The following CFAP65 variants were observed in gnomAD, a reference collection of about 807,000 sequenced individuals.
CFAP65 encodes cilia and flagella associated protein 65.
CFAP65 carries 155 observed loss-of-function variants against 208.0 expected under a neutral mutation model. That is an observed-to-expected ratio of 0.75 (90% confidence interval 0.65 to 0.85). The LOEUF (loss-of-function observed/expected upper bound fraction) is 0.85, where lower values mean the gene tolerates loss of function less well. Ranked by LOEUF, CFAP65 falls within the 40% of genes least tolerant of loss-of-function variation. CFAP65 has a pLI of 0.00. For missense variants in CFAP65, 2,294 were observed against 2,451.3 expected, an observed-to-expected ratio of 0.94 and a Z score of 1.36; for synonymous variants, 970 against 986.3, an observed-to-expected ratio of 0.98 and a Z score of 0.31.
At position 219,009,302 on chromosome 2, in the gene CFAP65, G is replaced by A. The variant is rs1574529096; in HGVS notation, c.4566+45C>T. ...CCCATCACACCCCACCCCAGCATTG[G>A]GAGCCATGCCTCCATCCCACTTTAC... On this transcript the variant is annotated intron_variant, in intron 28 of 34. Transcript: ENST00000341552. 3 of 1,511,942 alleles carry A rather than the reference G, an allele frequency of 2.0e-6. No individual in the cohort carries two copies. In the African/African-American group the frequency reaches 4.1e-5, roughly 21 times the overall value. 93.7% of individuals were successfully genotyped at this position (1,511,942 alleles called of 1,614,324 possible).
chr2:219,029,550 A>G lies in CFAP65; in HGVS notation c.1503T>C (p.Phe501=). Residue 501 remains phenylalanine (F), a synonymous_variant, in exon 11 of 35, where the codon TTT becomes TTC. Transcript: ENST00000341552. ...NQSDCTAHFQ[F]AIDCLESVFT... ...AGACACTCTCCAAGCAGTCGATGGCAAACTGGAAGTGGGCCGTGCAGTCCG... is the reference window on the plus strand; with the variant it reads ...AGACACTCTCCAAGCAGTCGATGGCGAACTGGAAGTGGGCCGTGCAGTCCG... 6.2e-7 allele frequency: 1 copy of G among 1,614,062 alleles called. No individual in the cohort carries two copies. Among genetic ancestry groups the G allele is most frequent in the Non-Finnish European group, 8.5e-7 (1 of 1,180,002 alleles).
chr2:219,028,749 G>A (rs1419727067), intron 11 of CFAP65, among the ~76,000 whole-genome samples: 1 of 152,168 alleles, frequency 6.6e-6, no homozygotes, highest in Non-Finnish European at 1.5e-5. Flanking sequence ...AATATGGGGG[G>A]CTGCCTCATC....
chr2:219,014,079 G>A lies in CFAP65; in HGVS notation c.3603-35C>T, dbSNP rs1404934870. 7.0e-6 allele frequency: 11 copies of A among 1,563,980 alleles called. No homozygotes were observed. In the Admixed American group the frequency reaches 2.0e-4, roughly 29 times the overall value. ...GGGTGCAAAGCCATACAAAGAAACT[G>A]GTCAGGCAGAACAGAGAGGCAGGGG... On this transcript the variant is annotated intron_variant, in intron 21 of 34. Coordinates refer to ENST00000341552, the MANE Select transcript of CFAP65 (RefSeq NM_194302.4).
rs1947248662 is a variant in CFAP65, at chr2:219,021,289, G to C, written c.3131-9C>G. The stretch of plus-strand genomic sequence containing the variant: ...TCGGTCCAGCTGCAGAGCTGCTCAG[G>C]GATGATGCCGGAGGGTCAGTGGGTA... On this transcript the variant is annotated splice_polypyrimidine_tract_variant and intron_variant, in intron 18 of 34. Transcript: ENST00000341552. The C allele has an allele frequency of 6.4e-7, 1 of 1,566,878 alleles. No homozygotes were observed. Among genetic ancestry groups the C allele is most frequent in the South Asian group, 1.2e-5 (1 of 82,624 alleles).
In CFAP65 at chr2:219,022,331, TG is replaced by T; in HGVS notation, c.2821-3del. Reference sequence around the variant, plus strand: ...AGGGCTGAAGGTCCACGTCAGCGTCTGGGGTCACAGAAATGATCCCTGCAGT... The same window carrying T: ...AGGGCTGAAGGTCCACGTCAGCGTCTGGGTCACAGAAATGATCCCTGCAGT... On this transcript the variant is annotated splice_polypyrimidine_tract_variant and splice_region_variant and intron_variant, in intron 16 of 34. Coordinates refer to ENST00000341552, the MANE Select transcript of CFAP65 (RefSeq NM_194302.4). 6.3e-7 allele frequency: 1 copy of T among 1,594,202 alleles called. No homozygotes were observed.
chr2:219,006,654 C>T (rs1291248121), intron 29 of CFAP65, 145 bp from the exon 30 acceptor site: 14 of 728,984 alleles, frequency 1.9e-5, no homozygotes, highest in African/African-American at 7.0e-5. Context: ...GCCAACATGG[C>T]GAAAGCCCGT....
chr2:219,025,438 G>A (rs1574610448), intron 14 of CFAP65, among the ~76,000 whole-genome samples: 1 of 152,202 alleles, frequency 6.6e-6, no homozygotes, highest in Admixed American at 6.5e-5. Flanking sequence ...CCAGGCGATG[G>A]AGACTGGAGG....
chr2:219,041,355 C>T, intron 1 of CFAP65, 133 bp downstream of exon 1: 2 of 857,312 alleles, frequency 2.3e-6, no homozygotes, highest in Non-Finnish European at 3.8e-6. Flanking sequence ...CCATGGGGCT[C>T]TCTGAAGGGC....
Position 219,002,913 on chromosome 2 carries a change from G to A in CFAP65, c.*24C>T. On this transcript the variant is annotated 3_prime_UTR_variant, in exon 35 of 35. Coordinates refer to ENST00000341552, the MANE Select transcript of CFAP65 (RefSeq NM_194302.4). The surrounding 1 kb of genome is among the most constrained non-coding windows in gnomAD (Gnocchi z 7.9). ...GGCCAGGCGTGACCCCTAGCGGCAT[G>A]TCGGAGAGGCTGGGCGCGGGCATTT... The A allele has an allele frequency of 6.4e-7, 1 of 1,555,950 alleles. No individual in the cohort carries two copies. The highest frequency in any genetic ancestry group is 8.7e-7 in the Non-Finnish European group (1 of 1,147,600).
intron 1 of CFAP65, 39 bp from the exon 2 acceptor site, chr2:219,040,603 C>T (rs1410973162): frequency 6.4e-7 from 1 of 1,552,126 alleles, no homozygotes; most frequent in Non-Finnish European, 8.7e-7. Flanking sequence ...TTTTCTGCCA[C>T]GGGATGGTCT....
At chr2:219,030,393 G>A (rs759148479) in intron 9 of CFAP65, among the ~76,000 whole-genome samples, 185 bp from the exon 10 acceptor site, 12 of 152,214 alleles carry the variant, frequency 7.9e-5, no homozygotes, top group African/African-American at 4.8e-5. Context: ...TGTGCCCTGC[G>A]CTGGGCCTGC....
rs770538922 is a variant in CFAP65, at chr2:219,013,493, G to A, written c.3846+26C>T. ...CCCCCTCCTCCAGCCTGAAACTAGG[G>A]CAGGGCCAGTGTGCTGGGGCCTCAC... On this transcript the variant is annotated intron_variant, in intron 23 of 34. Coordinates refer to ENST00000341552, the MANE Select transcript of CFAP65 (RefSeq NM_194302.4). 9 of 1,586,740 alleles carry A rather than the reference G, an allele frequency of 5.7e-6. No individual in the cohort carries two copies. The East Asian group carries it at 1.6e-4, about 28-fold the overall frequency.
intron 11 of CFAP65, 66 bp downstream of exon 11, chr2:219,029,337 T>G: frequency 6.4e-7 from 1 of 1,553,462 alleles, no homozygotes; most frequent in Non-Finnish European, 8.7e-7. Flanking sequence ...CACCAAGCCT[T>G]GTCATCATCA....
At position 219,031,457 on chromosome 2, in the gene CFAP65, C is replaced by G. The variant is rs764063968; in HGVS notation, c.815+32G>C. The G allele has an allele frequency of 6.2e-6, 10 of 1,613,910 alleles. No individual in the cohort carries two copies. In the South Asian group the frequency reaches 1.1e-4, roughly 18 times the overall value. On this transcript the variant is annotated intron_variant, in intron 7 of 34. Coordinates refer to ENST00000341552, the MANE Select transcript of CFAP65 (RefSeq NM_194302.4). This position sits in a 1 kb window ranked among gnomAD's most constrained non-coding sequence, Gnocchi z 5.2. ...CCAGACACCCTCCTCACAGCTCTTG[C>G]TCTCCCCGCCGCACCTCAGCCTCTT...
chr2:219,019,418 T>C (rs760823587), intron 20 of CFAP65, 88 bp downstream of exon 20: 173 of 1,230,154 alleles, frequency 1.4e-4, no homozygotes, highest in Non-Finnish European at 1.9e-4. Context: ...ACAGCTTCCT[T>C]GTTCTGGGAG....
At position 219,019,116 on chromosome 2, in the gene CFAP65, T is replaced by A; in HGVS notation, c.3537A>T (p.Pro1179=). Residue 1179 remains proline, a synonymous_variant, in exon 21 of 35, where the codon CCA becomes CCT. Coordinates refer to ENST00000341552, the MANE Select transcript of CFAP65 (RefSeq NM_194302.4). ...ATACCACGGAAGGTGGGGCCTTGAA[T>A]GGTGCGGCCCCGAAATTGAAGTCAA... ...LRLDFNFGAA[P]FKAPPSVVFL... 6.2e-7 allele frequency: 1 copy of A among 1,614,070 alleles called. No homozygotes were observed. Among genetic ancestry groups the A allele is most frequent in the Non-Finnish European group, 8.5e-7 (1 of 1,180,006 alleles).
At position 219,040,582 on chromosome 2, in the gene CFAP65, G is replaced by A. The variant is rs778050687; in HGVS notation, c.-48-18C>T. ...AATGTAAGCTGAGGAGACACAGAGAGAGTCCATTACTTTTCTGCCACGGGA... is the reference window on the plus strand; with the variant it reads ...AATGTAAGCTGAGGAGACACAGAGAAAGTCCATTACTTTTCTGCCACGGGA... On this transcript the variant is annotated intron_variant, in intron 1 of 34. Transcript: ENST00000341552. 6.4e-7 allele frequency: 1 copy of A among 1,552,148 alleles called. No individual in the cohort carries two copies. Among genetic ancestry groups the A allele is most frequent in the Non-Finnish European group, 8.7e-7 (1 of 1,147,004 alleles).
In CFAP65 at chr2:219,022,315, G is replaced by A; in HGVS notation, c.2835C>T (p.Thr945=). 1.2e-6 allele frequency: 2 copies of A among 1,603,992 alleles called. No individual in the cohort carries two copies. Among genetic ancestry groups the A allele is most frequent in the Non-Finnish European group, 1.7e-6 (2 of 1,175,584 alleles). The change falls in exon 17 of 35, where the codon ACC becomes ACT. Residue 945 remains threonine (T), a synonymous_variant. Coordinates refer to ENST00000341552, the MANE Select transcript of CFAP65 (RefSeq NM_194302.4). ...QPNERLTLTW[T]FSPLEETKYL... is the part of the protein sequence containing the mutation. ...ACTTGGTCTCCTCCAAAGGGCTGAA[G>A]GTCCACGTCAGCGTCTGGGGTCACA...
Position 219,032,379 on chromosome 2 carries a change from G to A in CFAP65, c.645+91C>T, listed in dbSNP as rs536939062. 24 of 1,128,298 alleles carry A rather than the reference G, an allele frequency of 2.1e-5. No homozygotes were observed. The highest frequency in any genetic ancestry group is 1.8e-4 in the South Asian group (12 of 64,950). The allele number at this position is 1,128,298 out of a possible 1,614,324, so 69.9% of individuals were successfully genotyped here. ...GGAGCGGGCAGCATGTGTGTGTGCC[G>A]GGGCGCTCCTGGTTGCTCTGTCCTG... is the stretch of plus-strand genomic sequence containing the variant. On this transcript the variant is annotated intron_variant, in intron 6 of 34. Transcript: ENST00000341552. This position sits in a 1 kb window ranked among gnomAD's most constrained non-coding sequence, Gnocchi z 5.5.
Sources: gnomAD v4.1 joint callset for allele counts (sites outside exome capture counted in the v4.1 genomes callset) on GRCh38, gnomAD v4.1.1 for gene constraint, Gnocchi (gnomAD v3.1) non-coding constraint, MANE v1.5 for transcripts, NCBI Gene and HGNC (gene_info 2026-07-23, HGNC 2026-07-21) for gene names.